REDIC1: variants seen among roughly 807,000 people sequenced by gnomAD.
REDIC1 encodes the protein regulator of DNA class I crossover intermediates 1.
the REDIC1 span, among the ~76,000 whole-genome samples, chr12:39,815,897 T>C: frequency 6.6e-6 from 1 of 152,238 alleles, no homozygotes; most frequent in South Asian, 2.1e-4. Flanking sequence ...AGTAGTGTGT[T>C]AATGTTTCAG....
At chr12:39,824,663 G>A in the REDIC1 span, among the ~76,000 whole-genome samples, 10 of 152,276 alleles carry the variant, frequency 6.6e-5, no homozygotes, top group East Asian at 1.2e-3. Context: ...GTGGCACATA[G>A]TGTCAGCCCT....
chr12:39,768,408 G>C, the REDIC1 span, among the ~76,000 whole-genome samples: 10 of 152,014 alleles, frequency 6.6e-5, no homozygotes, highest in Admixed American at 2.6e-4. Context: ...GTCACAATTT[G>C]GCTATTTGGT....
At chr12:39,871,908 G>C in the REDIC1 span, 2 of 1,610,936 alleles carry the variant, frequency 1.2e-6, no homozygotes, top group Admixed American at 1.7e-5. Context: ...CAGCCATATT[G>C]CAAGTCTATC....
At chr12:39,890,431 C>A in the REDIC1 span, among the ~76,000 whole-genome samples, 2 of 152,072 alleles carry the variant, frequency 1.3e-5, no homozygotes, top group Non-Finnish European at 2.9e-5. Flanking sequence ...AGTAAGGTTG[C>A]AGATAGAATT....
the REDIC1 span, among the ~76,000 whole-genome samples, chr12:39,828,184 G>A: frequency 6.6e-6 from 1 of 152,144 alleles, no homozygotes; most frequent in Non-Finnish European, 1.5e-5. Flanking sequence ...CCAAGACTAA[G>A]GAGGTAACCA....
At chr12:39,647,299 CA>C in the REDIC1 span, among the ~76,000 whole-genome samples, 1 of 151,950 alleles carries the variant, frequency 6.6e-6, no homozygotes. Context: ...CAAAGTATAG[CA>C]AATAATTTTC....
chr12:39,829,374 TGTAATGTGATA>T, the REDIC1 span: 1 of 144,810 alleles, frequency 6.9e-6, no homozygotes, highest in Non-Finnish European at 1.5e-5. Context: ...CATAAAAGAA[TGTAATGTGATA>T]GTAATTCTTT....
chr12:39,723,292 T>G, the REDIC1 span, among the ~76,000 whole-genome samples: 3 of 152,138 alleles, frequency 2.0e-5, no homozygotes, highest in South Asian at 6.2e-4. Flanking sequence ...TTCTAACGAA[T>G]TACCAAATCT....
At chr12:39,632,570 A>G in the REDIC1 span, among the ~76,000 whole-genome samples, 1 of 152,194 alleles carries the variant, frequency 6.6e-6, no homozygotes, top group African/African-American at 2.4e-5. Flanking sequence ...TCACATTTGT[A>G]CATACATATA....
chr12:39,768,419 G>T, the REDIC1 span, among the ~76,000 whole-genome samples: 1 of 152,086 alleles, frequency 6.6e-6, no homozygotes, highest in East Asian at 1.9e-4. Flanking sequence ...GCTATTTGGT[G>T]CAAGAGGCCT....
At chr12:39,759,082 A>G in the REDIC1 span, 1 of 152,502 alleles carries the variant, frequency 6.6e-6, no homozygotes, top group Non-Finnish European at 1.5e-5. Context: ...TATGTATGTA[A>G]CACAAATGAA....
the REDIC1 span, among the ~76,000 whole-genome samples, chr12:39,854,119 C>G: frequency 6.6e-6 from 1 of 151,750 alleles, no homozygotes; most frequent in Non-Finnish European, 1.5e-5. Flanking sequence ...AAAATAAAGG[C>G]CATTAGCTTG....
At chr12:39,644,869 A>G in the REDIC1 span, among the ~76,000 whole-genome samples, 1 of 151,952 alleles carries the variant, frequency 6.6e-6, no homozygotes, top group Non-Finnish European at 1.5e-5. Flanking sequence ...GTTTTATGTG[A>G]CACAAGAGCC....
the REDIC1 span, among the ~76,000 whole-genome samples, chr12:39,670,008 C>T: frequency 2.0e-5 from 3 of 152,150 alleles, no homozygotes; most frequent in Non-Finnish European, 2.9e-5. Context: ...CCAAGTGAGG[C>T]GATGCCTTGT....
chr12:39,682,907 G>C, the REDIC1 span: 2 of 1,612,724 alleles, frequency 1.2e-6, no homozygotes, highest in Non-Finnish European at 1.7e-6. Flanking sequence ...GATAGTATGG[G>C]AGATACTTGT....
the REDIC1 span, among the ~76,000 whole-genome samples, chr12:39,799,472 C>A: frequency 6.6e-6 from 1 of 151,820 alleles, no homozygotes; most frequent in African/African-American, 2.4e-5. Context: ...CAGAAATCCA[C>A]CCAGAATAAC....
At chr12:39,683,487 A>C in the REDIC1 span, 1 of 1,578,216 alleles carries the variant, frequency 6.3e-7, no homozygotes, top group Non-Finnish European at 8.7e-7. Flanking sequence ...AACTCTATGT[A>C]AGTTTTTAGG....
At chr12:39,759,878 T>A in the REDIC1 span, 1 of 606,842 alleles carries the variant, frequency 1.6e-6, no homozygotes, top group Non-Finnish European at 2.9e-6. Context: ...TGGTTGTATC[T>A]TCCTCCTAAT....
chr12:39,754,663 G>T, the REDIC1 span, among the ~76,000 whole-genome samples: 20,337 of 152,006 alleles, frequency 0.13, 1,636 homozygotes, highest in East Asian at 0.39. Flanking sequence ...CAGCACGATT[G>T]TTCATTTTCA....
Sources: allele counts gnomAD v4.1 joint callset (sites outside exome capture counted in the v4.1 genomes callset), GRCh38; gene constraint gnomAD v4.1.1; transcripts MANE v1.5; gene names NCBI Gene and HGNC (gene_info 2026-07-23, HGNC 2026-07-21).